The following CDKN2AIPNL variants were observed in gnomAD, a reference collection of about 807,000 sequenced individuals.
CDKN2AIPNL encodes XRN2 binding domain containing 1, also known as CDKN2AIP N-terminal-like protein.
In CDKN2AIPNL, 9 loss-of-function variants were observed where a neutral mutation model predicts 12.9. The observed-to-expected ratio is 0.70, with a 90% CI of 0.42 to 1.22. The LOEUF is 1.22. Among genes scored for constraint, CDKN2AIPNL ranks in the 50% most tolerant of loss-of-function variants. CDKN2AIPNL has a pLI of 0.00. For synonymous variants in CDKN2AIPNL, 53 were observed against 61.7 expected (o/e 0.86, Z 0.66); for missense variants, 143 against 153.6 (o/e 0.93, Z 0.37).
At position 134,411,841 on chromosome 5, in the gene CDKN2AIPNL, T is replaced by G. The variant is rs111360543; in HGVS notation, c.14A>C (p.Glu5Ala). The stretch of plus-strand genomic sequence containing the variant: ...CAGCTCCTCCACTGCGGCAGCCGCC[T>G]CGCCACCGACCATGGTGCCCGCCGC... MVGG[E>A]AAAAVEELVS... Residue 5 changes from glutamate to alanine, a missense_variant, in exon 1 of 3, where the codon GAG becomes GCG. By Grantham distance (107) the Glu-to-Ala change is moderately radical. Around this residue, in one of 3 missense-constraint regions of CDKN2AIPNL, gnomAD observed 30 missense variants for 25.2 expected, o/e 1.19. Coordinates refer to ENST00000458198, the MANE Select transcript of CDKN2AIPNL (RefSeq NM_080656.3). 7.0e-6 allele frequency: 11 copies of G among 1,567,458 alleles called. No homozygotes were observed. Among genetic ancestry groups the G allele is most frequent in the South Asian group, 3.5e-5 (3 of 86,346 alleles).
intron 1 of CDKN2AIPNL, chr5:134,410,786 A>C (rs1759179491): frequency 1.8e-6 from 1 of 548,614 alleles, no homozygotes; most frequent in African/African-American, 1.9e-5. Context: ...GGGCCAAATG[A>C]CCAGAGTCAG....
Position 134,402,546 on chromosome 5 carries a change from G to A in CDKN2AIPNL, c.*369C>T, listed in dbSNP as rs1278936799. 5.2e-6 allele frequency: 1 copy of A among 193,400 alleles called. No homozygotes were observed. The highest frequency in any genetic ancestry group is 2.3e-5 in the African/African-American group (1 of 43,164). The allele number at this position is 193,400 out of a possible 1,614,324, so 12.0% of individuals were successfully genotyped here. A position where few individuals can be genotyped will look rare whatever the true frequency, so the allele number is the denominator to read the frequency against. ...AAAAACCCTGAAAATATGAGCCCAG[G>A]AGTTCGAGGCTGCAATGAGCCAATA... On this transcript the variant is annotated 3_prime_UTR_variant, in exon 3 of 3. Coordinates refer to ENST00000458198, the MANE Select transcript of CDKN2AIPNL (RefSeq NM_080656.3).
At chr5:134,403,381 C>T (rs1759056942) in intron 2 of CDKN2AIPNL, among the ~76,000 whole-genome samples, 1 of 152,206 alleles carries the variant, frequency 6.6e-6, no homozygotes, top group Non-Finnish European at 1.5e-5. Context: ...ACTGTAAAAG[C>T]TTGTCTTCAA....
At chr5:134,406,837 T>C (rs951295574) in intron 2 of CDKN2AIPNL, among the ~76,000 whole-genome samples, 2 of 152,210 alleles carry the variant, frequency 1.3e-5, no homozygotes, top group African/African-American at 4.8e-5. Context: ...GCCACTGCAC[T>C]CCAGCCTGAG....
chr5:134,405,040 T>C (rs1411999967), intron 2 of CDKN2AIPNL, among the ~76,000 whole-genome samples: 2 of 151,506 alleles, frequency 1.3e-5, no homozygotes, highest in Non-Finnish European at 2.9e-5. Context: ...CACCTTAGCC[T>C]CCCCAAAGTG....
intron 2 of CDKN2AIPNL, among the ~76,000 whole-genome samples, chr5:134,403,607 C>A (rs182437666): frequency 2.0e-5 from 3 of 152,158 alleles, no homozygotes. Context: ...TGACCTATTT[C>A]CTAGTTAGAC....
chr5:134,410,900 G>A (rs1008785511), intron 1 of CDKN2AIPNL: 3 of 641,962 alleles, frequency 4.7e-6, no homozygotes, highest in African/African-American at 3.6e-5. Context: ...CTCAAGATTT[G>A]CCACCTTCCT....
chr5:134,402,964 T>C, intron 2 of CDKN2AIPNL, 38 bp from the exon 3 acceptor site: 1 of 1,581,674 alleles, frequency 6.3e-7, no homozygotes, highest in African/African-American at 1.3e-5. Context: ...CATAACCATG[T>C]AGTCCAGTGA....
intron 2 of CDKN2AIPNL, 136 bp downstream of exon 2, chr5:134,409,766 GA>G (rs1227772668): frequency 4.0e-5 from 21 of 521,690 alleles, no homozygotes; most frequent in Non-Finnish European, 6.8e-5. Flanking sequence ...CAATTATGGG[GA>G]AATAAAAATG....
In CDKN2AIPNL at chr5:134,407,296, C is replaced by CACA. The variant is rs1223265783; in HGVS notation, c.339+2606_339+2607insTGT. Among the ~76,000 whole-genome samples the CACA allele has an allele frequency of 5.5e-3, 780 of 140,866 alleles. 9 individuals are homozygous for CACA. The highest frequency in any genetic ancestry group is 0.019 in the African/African-American group (738 of 38,930). The allele number at this position is 140,866 out of a possible 152,430, so 92.4% of individuals were successfully genotyped here. ...ACACACACACACACACACACACACACACTTCACACTGGTCTATAGATAATG... is the reference window on the plus strand; with the variant it reads ...ACACACACACACACACACACACACACACAACTTCACACTGGTCTATAGATAATG... On this transcript the variant is annotated intron_variant, in intron 2 of 2. Transcript: ENST00000458198.
intron 2 of CDKN2AIPNL, among the ~76,000 whole-genome samples, chr5:134,409,139 G>C (rs1487594614): frequency 2.6e-5 from 4 of 152,142 alleles, no homozygotes; most frequent in African/African-American, 9.7e-5. Flanking sequence ...TACTAGGTTT[G>C]GGAGTTGTAA....
chr5:134,407,193 C>T (rs989774635), intron 2 of CDKN2AIPNL, among the ~76,000 whole-genome samples: 2 of 151,508 alleles, frequency 1.3e-5, no homozygotes, highest in East Asian at 1.9e-4. Flanking sequence ...CATCCCAGGG[C>T]AGGGGCTCTG....
chr5:134,409,541 G>A (rs1002840264), intron 2 of CDKN2AIPNL, among the ~76,000 whole-genome samples: 19 of 152,174 alleles, frequency 1.2e-4, no homozygotes, highest in African/African-American at 1.9e-4. Flanking sequence ...CACTCACACC[G>A]GCACTCACAC....
At chr5:134,410,826 C>T in intron 1 of CDKN2AIPNL, 1 of 592,174 alleles carries the variant, frequency 1.7e-6, no homozygotes, top group East Asian at 2.8e-5. Context: ...AAACCAAGAT[C>T]AAACCAAGTC....
chr5:134,409,410 T>A (rs1759157608), intron 2 of CDKN2AIPNL, among the ~76,000 whole-genome samples: 1 of 152,174 alleles, frequency 6.6e-6, no homozygotes, highest in Non-Finnish European at 1.5e-5. Flanking sequence ...TAGGCAAGAC[T>A]CACTGTAAAA....
rs1759047785 is a variant in CDKN2AIPNL at position 134,402,821 on chromosome 5, A to T, written c.*94T>A. On this transcript the variant is annotated 3_prime_UTR_variant, in exon 3 of 3. Coordinates refer to ENST00000458198, the MANE Select transcript of CDKN2AIPNL (RefSeq NM_080656.3). ...GCCTCTTTATGTTGGTAATACCAGG[A>T]GTCTTAAGAGAGCTGCTGTGGTCTA... 2 of 1,064,908 alleles carry T rather than the reference A, an allele frequency of 1.9e-6. No homozygotes were observed. Among genetic ancestry groups the T allele is most frequent in the East Asian group, 4.8e-5 (2 of 41,466 alleles). The allele number at this position is 1,064,908 out of a possible 1,614,324, so 66.0% of individuals were successfully genotyped here.
At chr5:134,407,502 A>C (rs1160583721) in intron 2 of CDKN2AIPNL, among the ~76,000 whole-genome samples, 2 of 152,202 alleles carry the variant, frequency 1.3e-5, no homozygotes, top group Admixed American at 6.5e-5. Context: ...TGCTGGGCAC[A>C]GTGGCTAACG....
chr5:134,408,260 T>C (rs1364936794), intron 2 of CDKN2AIPNL, among the ~76,000 whole-genome samples: 1 of 152,042 alleles, frequency 6.6e-6, no homozygotes, highest in Non-Finnish European at 1.5e-5. Flanking sequence ...AGAACCTTAC[T>C]ATAGAACACC....
chr5:134,403,562 T>G (rs1759058983), intron 2 of CDKN2AIPNL, among the ~76,000 whole-genome samples: 1 of 152,244 alleles, frequency 6.6e-6, no homozygotes, highest in African/African-American at 2.4e-5. Flanking sequence ...TGAATCAATC[T>G]GAGAGTCTTT....
Sources: allele counts gnomAD v4.1 joint callset (sites outside exome capture counted in the v4.1 genomes callset), GRCh38; gene constraint gnomAD v4.1.1; regional missense constraint gnomAD v4.1.1; transcripts MANE v1.5; gene names NCBI Gene and HGNC (gene_info 2026-07-23, HGNC 2026-07-21).